ATP11B: variants seen among roughly 807,000 people sequenced by gnomAD.
The protein encoded by ATP11B is phospholipid-transporting ATPase IF.
ATP11B carries 81 observed loss-of-function variants against 157.8 expected under a neutral mutation model. The ratio of observed to expected loss-of-function variants is 0.51; its 90% CI spans 0.43 to 0.62. ATP11B has a LOEUF of 0.62. Ranked by LOEUF, ATP11B falls within the 20% of genes least tolerant of loss-of-function variation. The pLI is 0.00. For missense variants in ATP11B, 1,165 were observed against 1,402.2 expected (o/e 0.83, Z 2.70); for synonymous variants, 451 against 469.4 (o/e 0.96, Z 0.51).
chr3:182,903,500 A>G (rs1202836899), intron 28 of ATP11B, among the ~76,000 whole-genome samples: 1 of 152,188 alleles, frequency 6.6e-6, no homozygotes, highest in Admixed American at 6.5e-5. Context: ...TGAGTTCATA[A>G]TATTGAGCTG....
intron 12 of ATP11B, among the ~76,000 whole-genome samples, chr3:182,860,329 C>T (rs909003062): frequency 2.0e-5 from 3 of 152,152 alleles, no homozygotes; most frequent in Non-Finnish European, 4.4e-5. Context: ...TTATTGTTTT[C>T]TAGCCTCCAG....
intron 18 of ATP11B, 27 bp downstream of exon 18, chr3:182,872,564 T>C: frequency 6.5e-7 from 1 of 1,537,904 alleles, no homozygotes; most frequent in Non-Finnish European, 8.8e-7. Context: ...TAAAAAATAT[T>C]ACTTTTCTCT....
chr3:182,829,782 C>A, intron 4 of ATP11B, 30 bp downstream of exon 4: 2 of 1,508,702 alleles, frequency 1.3e-6, no homozygotes, highest in Non-Finnish European at 1.8e-6. Context: ...TTTAATTTTC[C>A]TCTAAGTCAT....
At position 182,887,641 on chromosome 3, in the gene ATP11B, C is replaced by T; in HGVS notation, c.2771C>T (p.Pro924Leu). The T allele has an allele frequency of 6.2e-7, 1 of 1,612,710 alleles. No individual in the cohort carries two copies. The highest frequency in any genetic ancestry group is 8.5e-7 in the Non-Finnish European group (1 of 1,179,384). ...TACAATATTTGTTTTACTTCCCTACCTATTCTGATATATAGTCTTTTGGAA... is the reference window on the plus strand; with the variant it reads ...TACAATATTTGTTTTACTTCCCTACTTATTCTGATATATAGTCTTTTGGAA... ...TLYNICFTSL[P>L]ILIYSLLEQH... Residue 924 changes from proline to leucine, a missense_variant, in exon 24 of 30, where the codon CCT becomes CTT. Pro to Leu is a moderately conservative substitution (Grantham distance 98, BLOSUM62 -3). Transcript: ENST00000323116.
intron 1 of ATP11B, among the ~76,000 whole-genome samples, chr3:182,794,160 G>C (rs1715444298): frequency 6.6e-6 from 1 of 152,232 alleles, no homozygotes; most frequent in South Asian, 2.1e-4. Flanking sequence ...GTAGGTCTTG[G>C]GGAGATGAGA....
chr3:182,843,365 T>C, intron 8 of ATP11B, among the ~76,000 whole-genome samples: 1 of 152,224 alleles, frequency 6.6e-6, no homozygotes, highest in East Asian at 1.9e-4. Flanking sequence ...AAAGGAAACA[T>C]AGCTGCTTTT....
intron 7 of ATP11B, among the ~76,000 whole-genome samples, chr3:182,839,510 A>G (rs1249643290): frequency 6.6e-6 from 1 of 152,172 alleles, no homozygotes; most frequent in East Asian, 1.9e-4. Flanking sequence ...CAGAAAGAAA[A>G]ACCTGGAGGA....
chr3:182,866,811 AT>A (rs200286771), intron 14 of ATP11B, among the ~76,000 whole-genome samples: 4,673 of 147,026 alleles, frequency 0.032, 236 homozygotes, highest in African/African-American at 0.11. Flanking sequence ...ATATTTATAT[AT>A]TTTTATATAC....
At chr3:182,822,400 G>T (rs1315602253) in intron 2 of ATP11B, among the ~76,000 whole-genome samples, 2 of 152,148 alleles carry the variant, frequency 1.3e-5, no homozygotes, top group African/African-American at 4.8e-5. Context: ...AGTTTGCTCA[G>T]AATGATGGTT....
At chr3:182,854,268 G>T (rs1193692042) in intron 10 of ATP11B, among the ~76,000 whole-genome samples, 1 of 152,098 alleles carries the variant, frequency 6.6e-6, no homozygotes, top group Non-Finnish European at 1.5e-5. Flanking sequence ...TCGGGAGTCC[G>T]AGACCAGCCT....
chr3:182,899,022 G>T (rs114978705), intron 28 of ATP11B, among the ~76,000 whole-genome samples: 8,270 of 151,246 alleles, frequency 0.055, 224 homozygotes, highest in Middle Eastern at 0.11. Flanking sequence ...TATGTTTTTA[G>T]GTATGAAACT....
At chr3:182,802,187 C>T (rs887236584) in intron 1 of ATP11B, among the ~76,000 whole-genome samples, 7 of 152,166 alleles carry the variant, frequency 4.6e-5, no homozygotes, top group African/African-American at 1.2e-4. Context: ...CCATTTCTCT[C>T]GTCTTTCTCT....
At chr3:182,853,236 TCTCA>T (rs1220333256) in intron 10 of ATP11B, among the ~76,000 whole-genome samples, 4 of 151,926 alleles carry the variant, frequency 2.6e-5, no homozygotes, top group African/African-American at 4.8e-5. Context: ...TGAGACAGAG[TCTCA>T]CTCTGTCACC....
chr3:182,877,281 C>T (rs1017907031), intron 19 of ATP11B, among the ~76,000 whole-genome samples: 4 of 152,184 alleles, frequency 2.6e-5, no homozygotes, highest in African/African-American at 4.8e-5. Flanking sequence ...ACTGTGTTGC[C>T]TCCTGTGGGG....
chr3:182,876,442 G>C (rs7615588), intron 19 of ATP11B, among the ~76,000 whole-genome samples: 19,109 of 152,076 alleles, frequency 0.13, 1,613 homozygotes, highest in African/African-American at 0.25. Context: ...ATAAAACGTA[G>C]AGTACACTCT....
intron 17 of ATP11B, among the ~76,000 whole-genome samples, chr3:182,871,423 T>G (rs546323784): frequency 1.3e-5 from 2 of 152,378 alleles, no homozygotes; most frequent in African/African-American, 4.8e-5. Context: ...AAGAAAACTT[T>G]GGCCCTAGTA....
At chr3:182,825,043 C>T (rs1007655943) in intron 2 of ATP11B, among the ~76,000 whole-genome samples, 5 of 152,186 alleles carry the variant, frequency 3.3e-5, no homozygotes, top group Non-Finnish European at 7.3e-5. Context: ...TCATTACTTT[C>T]ATTTTACTAC....
chr3:182,847,154 A>T (rs1271180460), intron 9 of ATP11B, among the ~76,000 whole-genome samples: 2 of 150,594 alleles, frequency 1.3e-5, no homozygotes, highest in Non-Finnish European at 3.0e-5. Flanking sequence ...GGGTTCAAGC[A>T]ATTCTCCTGC....
chr3:182,917,840 C>T (rs1725237260), intron 29 of ATP11B, 183 bp from the exon 30 acceptor site: 3 of 981,138 alleles, frequency 3.1e-6, no homozygotes, highest in Non-Finnish European at 3.6e-6. Context: ...ATTATTTTTC[C>T]CAAGTTTTTA....
Sources: gnomAD v4.1 joint callset for allele counts (sites outside exome capture counted in the v4.1 genomes callset) on GRCh38, gnomAD v4.1.1 for gene constraint, MANE v1.5 for transcripts, NCBI Gene and HGNC (gene_info 2026-07-23, HGNC 2026-07-21) for gene names.